Variants in GAB2 observed in about 807,000 individuals in gnomAD.
The protein encoded by GAB2 is GRB2 associated binding protein 2, also known as GRB2-associated-binding protein 2.
GAB2 carries 26 observed loss-of-function variants against 65.5 expected under a neutral mutation model. The observed-to-expected ratio is 0.40, with a 90% confidence interval of 0.29 to 0.55. GAB2 has a LOEUF of 0.55. Among genes scored for constraint, GAB2 ranks in the 20% least tolerant of loss-of-function variants. GAB2 has a pLI of 0.53. For synonymous variants in GAB2, 321 were observed against 329.6 expected, an observed-to-expected ratio of 0.97 and a Z score of 0.28; for missense variants, 884 against 875.8, an observed-to-expected ratio of 1.01 and a Z score of -0.12.
chr11:78,273,620 C>T (rs1229556253), intron 2 of GAB2, among the ~76,000 whole-genome samples: 1 of 152,220 alleles, frequency 6.6e-6, no homozygotes, highest in Non-Finnish European at 1.5e-5. Flanking sequence ...AGACTTTGGA[C>T]TGTGGACTTT....
intron 1 of GAB2, among the ~76,000 whole-genome samples, chr11:78,395,830 G>C (rs924485024): frequency 1.3e-5 from 2 of 152,128 alleles, no homozygotes; most frequent in Non-Finnish European, 2.9e-5. Context: ...GCATATGGGA[G>C]GTTTAGTTTG....
rs781193769 is a variant in GAB2 at position 78,226,901 on chromosome 11, G to A, written c.771C>T (p.His257=). The part of the protein sequence containing the change: ...GFYSLPKPSR[H]NTEFRDSTYD... ...AGGTACTGTCTCTGAATTCTGTATT[G>A]TGCCGGCTCGGCTTGGGAAGGCTAT... The change falls in exon 4 of 10, where the codon CAC becomes CAT. Residue 257 remains histidine (H), a synonymous_variant. Coordinates refer to ENST00000361507, the MANE Select transcript of GAB2 (RefSeq NM_080491.3). The A allele has an allele frequency of 2.5e-6, 4 of 1,613,998 alleles. No homozygotes were observed. Among genetic ancestry groups the A allele is most frequent in the Non-Finnish European group, 8.5e-7 (1 of 1,179,982 alleles).
At chr11:78,368,083 TG>T (rs1208872699) in intron 1 of GAB2, among the ~76,000 whole-genome samples, 1 of 152,192 alleles carries the variant, frequency 6.6e-6, no homozygotes, top group African/African-American at 2.4e-5. Flanking sequence ...CCCAAAGTGC[TG>T]GGATTACAGG....
At chr11:78,279,345 T>C (rs1342375736) in intron 2 of GAB2, among the ~76,000 whole-genome samples, 1 of 152,160 alleles carries the variant, frequency 6.6e-6, no homozygotes, top group Admixed American at 6.5e-5. Context: ...CTTCTAAGGA[T>C]GGGGCTCTTT....
chr11:78,255,976 T>A (rs990506662), intron 2 of GAB2, among the ~76,000 whole-genome samples: 3 of 152,234 alleles, frequency 2.0e-5, no homozygotes, highest in Non-Finnish European at 4.4e-5. Flanking sequence ...CTATTTGACC[T>A]GGAGCAAATC....
At chr11:78,252,112 C>T (rs1056739068) in intron 2 of GAB2, among the ~76,000 whole-genome samples, 4 of 152,226 alleles carry the variant, frequency 2.6e-5, no homozygotes, top group Admixed American at 2.6e-4. Flanking sequence ...ACCTTCTACG[C>T]CCTGTCATCT....
At chr11:78,357,906 A>G (rs528852366) in intron 1 of GAB2, among the ~76,000 whole-genome samples, 19 of 152,334 alleles carry the variant, frequency 1.2e-4, no homozygotes, top group Admixed American at 5.2e-4. Context: ...AAGGATCTAG[A>G]ACTAGAAATA....
chr11:78,392,241 C>CAAAAAA (rs879279933), intron 1 of GAB2: 1 of 125,370 alleles, frequency 8.0e-6, no homozygotes, highest in Non-Finnish European at 1.7e-5. Flanking sequence ...CCTTCTCGAA[C>CAAAAAA]AAAAAAAAAA....
At chr11:78,326,733 A>G (rs1855829225) in intron 1 of GAB2, among the ~76,000 whole-genome samples, 1 of 152,208 alleles carries the variant, frequency 6.6e-6, no homozygotes, top group East Asian at 1.9e-4. Flanking sequence ...ACTTCTGTTG[A>G]ATACATGAAA....
At chr11:78,361,845 C>T (rs1006551195) in intron 1 of GAB2, among the ~76,000 whole-genome samples, 2 of 151,750 alleles carry the variant, frequency 1.3e-5, no homozygotes, top group Non-Finnish European at 2.9e-5. Context: ...TATCCTTTAA[C>T]CAGGCAATGC....
intron 1 of GAB2, among the ~76,000 whole-genome samples, chr11:78,408,503 A>G (rs1377448355): frequency 6.6e-6 from 1 of 152,252 alleles, no homozygotes; most frequent in Non-Finnish European, 1.5e-5. Flanking sequence ...ACAAACAAAA[A>G]ATAAAGTGGC....
At position 78,217,603 on chromosome 11, in the gene GAB2, T is replaced by G. The variant is rs1565412495; in HGVS notation, c.*1669A>C. On this transcript the variant is annotated 3_prime_UTR_variant, in exon 10 of 10. Coordinates refer to ENST00000361507, the MANE Select transcript of GAB2 (RefSeq NM_080491.3). ...GAATGAAACGTCTGGTCTGTCCTGTTGCTTCTGAAACTCTTGAAAATTTAG... is the reference window on the plus strand; with the variant it reads ...GAATGAAACGTCTGGTCTGTCCTGTGGCTTCTGAAACTCTTGAAAATTTAG... 1 of 152,218 alleles carries G rather than the reference T, an allele frequency of 6.6e-6. No homozygotes were observed. Among genetic ancestry groups the G allele is most frequent in the Non-Finnish European group, 1.5e-5 (1 of 68,046 alleles). The allele number at this position is 152,218 out of a possible 1,614,324, so 9.4% of individuals were successfully genotyped here. A position where few individuals can be genotyped will look rare whatever the true frequency, so the allele number is the denominator to read the frequency against.
chr11:78,364,912 T>TAC (rs1036853606), intron 1 of GAB2, among the ~76,000 whole-genome samples: 2 of 152,146 alleles, frequency 1.3e-5, no homozygotes, highest in Non-Finnish European at 2.9e-5. Flanking sequence ...TATATATATA[T>TAC]ACGTCTATAT....
intron 1 of GAB2, among the ~76,000 whole-genome samples, chr11:78,329,829 T>C (rs976905320): frequency 6.6e-6 from 1 of 152,202 alleles, no homozygotes; most frequent in South Asian, 2.1e-4. Flanking sequence ...GTACGATAGG[T>C]TGGCCCACTC....
At chr11:78,358,888 G>GA (rs1220881157) in intron 1 of GAB2, among the ~76,000 whole-genome samples, 14 of 152,086 alleles carry the variant, frequency 9.2e-5, no homozygotes, top group South Asian at 4.1e-4. Flanking sequence ...ATTAGCAAAC[G>GA]AGAGTATAAA....
At chr11:78,365,706 C>T (rs1856487703) in intron 1 of GAB2, among the ~76,000 whole-genome samples, 1 of 152,218 alleles carries the variant, frequency 6.6e-6, no homozygotes, top group Admixed American at 6.5e-5. Context: ...GACCATTCAT[C>T]ATCTTCTCAC....
chr11:78,366,636 A>G (rs959325578), intron 1 of GAB2, among the ~76,000 whole-genome samples: 1 of 148,308 alleles, frequency 6.7e-6, no homozygotes, highest in Non-Finnish European at 1.5e-5. Flanking sequence ...GAATATGCAC[A>G]AAGTGAGGAT....
In GAB2 at chr11:78,241,051, CT is replaced by C. The variant is rs1865120044; in HGVS notation, c.620+9105del. ...AGACCTGACACTAAGAGGGATCCCC[CT>C]GACTGAGTCTCCTCATTTGGGGAAA... On this transcript the variant is annotated intron_variant, in intron 3 of 9. Transcript: ENST00000361507. 2.0e-5 allele frequency among the ~76,000 whole-genome samples: 3 copies of C among 152,364 alleles called. No homozygotes were observed. In the South Asian group the frequency reaches 6.2e-4, roughly 32 times the overall value.
intron 6 of GAB2, among the ~76,000 whole-genome samples, 170 bp from the exon 7 acceptor site, chr11:78,222,365 G>C (rs1864470693): frequency 6.6e-6 from 1 of 152,054 alleles, no homozygotes; most frequent in South Asian, 2.1e-4. Flanking sequence ...ATATTGATGA[G>C]CCTTGAAGTC....
Sources: gnomAD v4.1 joint callset for allele counts (sites outside exome capture counted in the v4.1 genomes callset) on GRCh38, gnomAD v4.1.1 for gene constraint, MANE v1.5 for transcripts, NCBI Gene and HGNC (gene_info 2026-07-23, HGNC 2026-07-21) for gene names.